OTUD7A: variants seen among roughly 807,000 people sequenced by gnomAD.
OTUD7A encodes the protein OTU deubiquitinase 7A, also known as OTU domain-containing protein 7A.
OTUD7A carries 12 observed loss-of-function variants against 65.7 expected under a neutral mutation model. The ratio of observed to expected loss-of-function variants is 0.18; its 90% CI spans 0.12 to 0.30. The LOEUF (loss-of-function observed/expected upper bound fraction) is 0.30, where lower values mean the gene tolerates loss of function less well. OTUD7A is among the 10% of genes least tolerant of loss of function. The pLI is 1.00. For synonymous variants in OTUD7A, 641 were observed against 586.3 expected (o/e 1.09, Z -1.35); for missense variants, 1,148 against 1,304.8 (o/e 0.88, Z 1.85).
At chr15:31,633,565 T>C (rs1241657195) in intron 3 of OTUD7A, among the ~76,000 whole-genome samples, 1 of 152,164 alleles carries the variant, frequency 6.6e-6, no homozygotes, top group African/African-American at 2.4e-5. Flanking sequence ...ATGTGCCTTA[T>C]ATAGCTGCCT....
At chr15:31,488,429 A>T (rs545581928) in intron 10 of OTUD7A, among the ~76,000 whole-genome samples, 1 of 152,224 alleles carries the variant, frequency 6.6e-6, no homozygotes, top group East Asian at 1.9e-4. Flanking sequence ...TGATGAGAGG[A>T]GTGCCTAGTG....
Position 31,765,800 on chromosome 15 carries a change from TGTA to T in OTUD7A, c.-100+104704_-100+104706del, listed in dbSNP as rs1157333224. ...TTAAAATCAGCATTGGTTGCTTGATTGTAGGTTTGTCACCAAAAAGTGCTGCTT... is the reference window on the plus strand; with the variant it reads ...TTAAAATCAGCATTGGTTGCTTGATTGGTTTGTCACCAAAAAGTGCTGCTT... On this transcript the variant is annotated intron_variant, in intron 1 of 12. Coordinates refer to ENST00000307050, the MANE Select transcript of OTUD7A (RefSeq NM_001382637.1). 3 of 1,378,340 alleles carry T rather than the reference TGTA, an allele frequency of 2.2e-6. No homozygotes were observed. In the African/African-American group the frequency reaches 4.3e-5, roughly 20 times the overall value. 85.4% of individuals were successfully genotyped at this position (1,378,340 alleles called of 1,614,324 possible). A position where few individuals can be genotyped will look rare whatever the true frequency, so the allele number is the denominator to read the frequency against.
chr15:31,638,887 C>T (rs767175129), intron 3 of OTUD7A, among the ~76,000 whole-genome samples: 42 of 152,114 alleles, frequency 2.8e-4, no homozygotes, highest in Non-Finnish European at 5.3e-4. Context: ...ATAATCCCAG[C>T]GCTTTGGGAG....
At chr15:31,504,072 C>T (rs577018863) in intron 8 of OTUD7A, among the ~76,000 whole-genome samples, 54 of 152,318 alleles carry the variant, frequency 3.5e-4, no homozygotes, top group African/African-American at 1.3e-3. Flanking sequence ...TGAAGGGTGC[C>T]GGCCGCTGTG....
intron 3 of OTUD7A, among the ~76,000 whole-genome samples, chr15:31,582,120 C>G (rs559315493): frequency 6.6e-6 from 1 of 152,332 alleles, no homozygotes; most frequent in Non-Finnish European, 1.5e-5. Context: ...CCACAAATCT[C>G]TAGTGCACGG....
At chr15:31,627,965 T>A (rs1891014209) in intron 3 of OTUD7A, among the ~76,000 whole-genome samples, 1 of 152,220 alleles carries the variant, frequency 6.6e-6, no homozygotes, top group African/African-American at 2.4e-5. Flanking sequence ...TAAATTTGTT[T>A]GAGTTCATTG....
At chr15:31,535,775 C>T (rs1185675933) in intron 5 of OTUD7A, among the ~76,000 whole-genome samples, 1 of 149,350 alleles carries the variant, frequency 6.7e-6, no homozygotes, top group Non-Finnish European at 1.5e-5. Context: ...CTCCTGGGTT[C>T]ATGCCATTCT....
intron 1 of OTUD7A, among the ~76,000 whole-genome samples, chr15:31,795,531 T>G (rs150465851): frequency 1.4e-4 from 21 of 152,232 alleles, no homozygotes; most frequent in African/African-American, 4.8e-4. Context: ...GATTGGCTGA[T>G]CTCTTCTATC....
At chr15:31,499,227 G>A (rs922380489) in intron 10 of OTUD7A, among the ~76,000 whole-genome samples, 1 of 152,202 alleles carries the variant, frequency 6.6e-6, no homozygotes, top group African/African-American at 2.4e-5. Context: ...CGTTCCGCAG[G>A]CACAAGGATG....
chr15:31,848,467 T>C (rs183069766), intron 1 of OTUD7A, among the ~76,000 whole-genome samples: 1 of 152,282 alleles, frequency 6.6e-6, no homozygotes, highest in East Asian at 1.9e-4. Context: ...AAAACAGTTT[T>C]CTCTCACTGA....
intron 8 of OTUD7A, among the ~76,000 whole-genome samples, chr15:31,515,897 CCCATCCACCTGT>C (rs1566896626): frequency 6.6e-6 from 1 of 151,000 alleles, no homozygotes; most frequent in Non-Finnish European, 1.5e-5. Flanking sequence ...CACCCACCCA[CCCATCCACCTGT>C]CCATCCACCC....
chr15:31,860,622 G>GATAAATATATATATATATATAT (rs59869625), intron 1 of OTUD7A, among the ~76,000 whole-genome samples: 286 of 26,842 alleles, frequency 0.011, 16 homozygotes, highest in African/African-American at 0.022. Flanking sequence ...CAGAAGTGGA[G>GATAAATATATATATATATATAT]ATATATATAT....
At chr15:31,592,904 AATATATATAT>A (rs1226266359) in intron 3 of OTUD7A, among the ~76,000 whole-genome samples, 710 of 59,262 alleles carry the variant, frequency 0.012, 33 homozygotes, top group African/African-American at 0.026. Flanking sequence ...AAAAAAAAAA[AATATATATAT>A]ATATATATAT....
At chr15:31,592,929 A>ATG (rs1889788651) in intron 3 of OTUD7A, among the ~76,000 whole-genome samples, 1 of 92,526 alleles carries the variant, frequency 1.1e-5, no homozygotes, top group Non-Finnish European at 1.9e-5. Flanking sequence ...ATATATATAT[A>ATG]TATATATGTA....
chr15:31,852,015 T>C (rs1006793132), intron 1 of OTUD7A, among the ~76,000 whole-genome samples: 4 of 152,138 alleles, frequency 2.6e-5, no homozygotes, highest in Admixed American at 6.5e-5. Flanking sequence ...CGCACCACCA[T>C]GCCCAGCTAA....
At chr15:31,697,407 T>C (rs1396367448) in intron 1 of OTUD7A, among the ~76,000 whole-genome samples, 1 of 143,656 alleles carries the variant, frequency 7.0e-6, no homozygotes, top group Non-Finnish European at 1.5e-5. Flanking sequence ...ACTCGCATGC[T>C]GTCTGCTGAA....
In OTUD7A at chr15:31,802,141, G is replaced by GTGTATATA. The variant is rs553698632; in HGVS notation, c.-100+68365_-100+68366insTATATACA. Among the ~76,000 whole-genome samples, 479 of 142,552 alleles carry GTGTATATA rather than the reference G, an allele frequency of 3.4e-3. 7 individuals carry two copies. The highest frequency in any genetic ancestry group is 7.4e-3 in the African/African-American group (277 of 37,496). The allele number at this position is 142,552 out of a possible 152,430, so 93.5% of individuals were successfully genotyped here. The stretch of plus-strand genomic sequence containing the variant: ...TGTGTGTGTGTGTGTGTGTGTGTGT[G>GTGTATATA]TATATATATATATGTAAAGGGGAGT... On this transcript the variant is annotated intron_variant, in intron 1 of 12. Transcript: ENST00000307050.
At chr15:31,595,143 TG>T (rs1213393986) in intron 3 of OTUD7A, among the ~76,000 whole-genome samples, 1 of 152,164 alleles carries the variant, frequency 6.6e-6, no homozygotes, top group Non-Finnish European at 1.5e-5. Context: ...AACTGTGCCC[TG>T]GGCCTGTGTG....
intron 1 of OTUD7A, among the ~76,000 whole-genome samples, chr15:31,798,200 AT>A (rs1295552958): frequency 6.6e-6 from 1 of 152,038 alleles, no homozygotes; most frequent in Non-Finnish European, 1.5e-5. Flanking sequence ...CAACACAGGC[AT>A]TTTGTGGGGG....
Sources: allele counts gnomAD v4.1 joint callset (sites outside exome capture counted in the v4.1 genomes callset), GRCh38; gene constraint gnomAD v4.1.1; transcripts MANE v1.5; gene names NCBI Gene and HGNC (gene_info 2026-07-23, HGNC 2026-07-21).